Variants in ST7 observed in about 807,000 individuals in gnomAD.
ST7 encodes suppressor of tumorigenicity 7 protein.
A neutral mutation model predicts 78.7 loss-of-function variants in ST7; 28 were observed. That is an observed-to-expected ratio of 0.36 (90% confidence interval 0.26 to 0.49). The LOEUF (loss-of-function observed/expected upper bound fraction) is 0.49, where lower values mean the gene tolerates loss of function less well. Among genes scored for constraint, ST7 ranks in the 20% least tolerant of loss-of-function variants. ST7 has a pLI of 0.99. For synonymous variants in ST7, 247 were observed against 249.6 expected, an observed-to-expected ratio of 0.99 and a Z score of 0.10; for missense variants, 418 against 696.0, an observed-to-expected ratio of 0.60 and a Z score of 4.49.
intron 15 of ST7, chr7:117,222,963 C>T (rs2116191197): frequency 6.2e-7 from 1 of 1,613,022 alleles, no homozygotes; most frequent in Non-Finnish European, 8.5e-7. Context: ...ACCTCAATCT[C>T]AACATTTCCA....
intron 1 of ST7, among the ~76,000 whole-genome samples, chr7:117,058,819 A>G (rs1798197823): frequency 6.6e-6 from 1 of 152,240 alleles, no homozygotes; most frequent in South Asian, 2.1e-4. Flanking sequence ...ATAAATGGAT[A>G]AAGAAAATGT....
intron 1 of ST7, among the ~76,000 whole-genome samples, chr7:117,054,067 ACCTCAGGTGATCTG>A (rs1306523796): frequency 6.6e-6 from 1 of 151,962 alleles, no homozygotes; most frequent in Non-Finnish European, 1.5e-5. Flanking sequence ...CAAACTCCTG[ACCTCAGGTGATCTG>A]CCCACCTCAG....
intron 10 of ST7, among the ~76,000 whole-genome samples, chr7:117,185,258 A>G (rs1809146920): frequency 6.6e-6 from 1 of 152,244 alleles, no homozygotes; most frequent in Admixed American, 6.5e-5. Flanking sequence ...CTCCAGACTG[A>G]CAGCACCTCA....
intron 1 of ST7, among the ~76,000 whole-genome samples, chr7:117,008,011 G>C (rs1795224172): frequency 6.6e-6 from 1 of 152,160 alleles, no homozygotes; most frequent in Non-Finnish European, 1.5e-5. Flanking sequence ...GAATGTAGCA[G>C]TTGTCTTGAT....
intron 1 of ST7, among the ~76,000 whole-genome samples, chr7:117,064,090 G>T (rs915115175): frequency 6.6e-6 from 1 of 151,508 alleles, no homozygotes; most frequent in African/African-American, 2.4e-5. Flanking sequence ...ATTACCTTTG[G>T]TTTTTTTAAT....
intron 2 of ST7, among the ~76,000 whole-genome samples, chr7:117,109,307 A>G (rs1222628811): frequency 2.0e-5 from 3 of 151,100 alleles, no homozygotes; most frequent in African/African-American, 7.2e-5. Context: ...TAAAATTGAT[A>G]GACCATTGGT....
chr7:117,123,508 C>G (rs780526741), intron 3 of ST7, among the ~76,000 whole-genome samples: 8 of 152,140 alleles, frequency 5.3e-5, no homozygotes, highest in Non-Finnish European at 1.0e-4. Context: ...CTTCAAACTT[C>G]AGATTGTTTG....
intron 15 of ST7, chr7:117,223,457 C>T (rs1321572301): frequency 1.2e-5 from 2 of 165,636 alleles, no homozygotes; most frequent in Non-Finnish European, 2.6e-5. Context: ...ATGATCTGGC[C>T]CTTGCTTACC....
At chr7:117,020,011 C>G (rs1459636309) in intron 1 of ST7, among the ~76,000 whole-genome samples, 1 of 152,080 alleles carries the variant, frequency 6.6e-6, no homozygotes, top group African/African-American at 2.4e-5. Flanking sequence ...TCTTTGAGTC[C>G]TCTTTTACTG....
intron 1 of ST7, among the ~76,000 whole-genome samples, chr7:116,965,370 C>T: frequency 6.7e-6 from 1 of 148,862 alleles, no homozygotes; most frequent in Non-Finnish European, 1.5e-5. Flanking sequence ...ATTCTATGGA[C>T]ACAGGGAGGG....
chr7:117,046,976 G>T (rs1308373543), intron 1 of ST7, among the ~76,000 whole-genome samples: 1 of 152,172 alleles, frequency 6.6e-6, no homozygotes, highest in Non-Finnish European at 1.5e-5. Context: ...ACCTAACAGT[G>T]TTGCCAGGAG....
At chr7:117,093,418 C>A (rs1433616669) in intron 1 of ST7, among the ~76,000 whole-genome samples, 2 of 152,162 alleles carry the variant, frequency 1.3e-5, no homozygotes, top group African/African-American at 4.8e-5. Flanking sequence ...GATGCCAAAT[C>A]AGGCCGGGTG....
At chr7:116,980,948 C>A (rs1793932153) in intron 1 of ST7, among the ~76,000 whole-genome samples, 1 of 152,214 alleles carries the variant, frequency 6.6e-6, no homozygotes, top group Non-Finnish European at 1.5e-5. Flanking sequence ...ATTCAGTTCA[C>A]AATCATGCCT....
chr7:117,062,106 AG>A (rs2116448461), intron 1 of ST7, among the ~76,000 whole-genome samples: 1 of 152,050 alleles, frequency 6.6e-6, no homozygotes, highest in Admixed American at 6.6e-5. Flanking sequence ...TCACAGGGTG[AG>A]GGGGGAAAGG....
chr7:116,966,360 C>A (rs907710453), intron 1 of ST7, among the ~76,000 whole-genome samples: 1 of 149,986 alleles, frequency 6.7e-6, no homozygotes, highest in Non-Finnish European at 1.5e-5. Flanking sequence ...AAGTGATTCT[C>A]GGGCTTCAGC....
At position 117,143,593 on chromosome 7, in the gene ST7, C is replaced by G. The variant is rs7786775; in HGVS notation, c.963+5061C>G. Among the ~76,000 whole-genome samples the G allele has an allele frequency of 5.7e-3, 862 of 152,222 alleles. 8 individuals carry two copies. Among genetic ancestry groups the G allele is most frequent in the African/African-American group, 0.02 (816 of 41,530 alleles). ...GTTCTAGGTGCTTTACAAATATAAC[C>G]TCATTTAATTTTCCTAACAACCCTT... On this transcript the variant is annotated intron_variant, in intron 9 of 15. Transcript: ENST00000323984.
chr7:117,113,810 A>G (rs1802628541), intron 2 of ST7, among the ~76,000 whole-genome samples: 1 of 152,070 alleles, frequency 6.6e-6, no homozygotes, highest in African/African-American at 2.4e-5. Flanking sequence ...TAGAATCTCT[A>G]GAGGAGGGAC....
intron 12 of ST7, among the ~76,000 whole-genome samples, chr7:117,193,881 G>C (rs541331149): frequency 6.6e-6 from 1 of 152,118 alleles, no homozygotes; most frequent in Non-Finnish European, 1.5e-5. Context: ...TTCCAGCTTC[G>C]CTTCATCTGG....
chr7:116,960,519 C>T lies in ST7; in HGVS notation c.151+6828C>T, dbSNP rs188332572. On this transcript the variant is annotated intron_variant, in intron 1 of 15. Coordinates refer to ENST00000323984, the MANE Select transcript of ST7 (RefSeq NM_001369598.1). ...TGTGCTGAAGTATTTCTAATCACTTCGAGTTACAATTCTGTTAAGTTTCAT... is the reference window on the plus strand; with the variant it reads ...TGTGCTGAAGTATTTCTAATCACTTTGAGTTACAATTCTGTTAAGTTTCAT... Among the ~76,000 whole-genome samples the T allele has an allele frequency of 3.3e-5, 5 of 152,294 alleles. No homozygotes were observed. In the East Asian group the frequency reaches 5.8e-4, roughly 18 times the overall value.
Sources: gnomAD v4.1 joint callset for allele counts (sites outside exome capture counted in the v4.1 genomes callset) on GRCh38, gnomAD v4.1.1 for gene constraint, MANE v1.5 for transcripts, NCBI Gene and HGNC (gene_info 2026-07-23, HGNC 2026-07-21) for gene names.